Variants in TLL2 observed in about 807,000 individuals in gnomAD.
TLL2 encodes tolloid-like protein 2.
A neutral mutation model predicts 123.0 loss-of-function variants in TLL2; 106 were observed. That is an observed-to-expected ratio of 0.86 (90% CI 0.74 to 1.01). TLL2 has a LOEUF of 1.01. Among genes scored for constraint, TLL2 ranks in the 50% least tolerant of loss-of-function variants. The pLI is 0.00. For missense variants in TLL2, 1,332 were observed against 1,336.7 expected, an observed-to-expected ratio of 1.00 and a Z score of 0.06; for synonymous variants, 494 against 516.8, an observed-to-expected ratio of 0.96 and a Z score of 0.60.
intron 2 of TLL2, among the ~76,000 whole-genome samples, chr10:96,456,538 ACAGT>A (rs1287272445): frequency 6.6e-6 from 1 of 152,208 alleles, no homozygotes; most frequent in African/African-American, 2.4e-5. Context: ...AAGGGCACTG[ACAGT>A]CAGACCTCTC....
chr10:96,446,257 G>C, intron 2 of TLL2, 89 bp from the exon 3 acceptor site: 2 of 1,241,716 alleles, frequency 1.6e-6, no homozygotes, highest in Admixed American at 1.8e-5. Context: ...CTGGTCACCT[G>C]GGGAGGATCA....
intron 2 of TLL2, among the ~76,000 whole-genome samples, chr10:96,457,330 C>G (rs538860943): frequency 6.6e-6 from 1 of 152,174 alleles, no homozygotes; most frequent in African/African-American, 2.4e-5. Context: ...TAGGACTGCC[C>G]GGAACTCACC....
Position 96,513,907 on chromosome 10 carries a change from G to A in TLL2, c.-222C>T. 2.0e-6 allele frequency: 1 copy of A among 508,190 alleles called. No homozygotes were observed. The highest frequency in any genetic ancestry group is 3.3e-5 in the South Asian group (1 of 30,512). The allele number at this position is 508,190 out of a possible 1,614,324, so 31.5% of individuals were successfully genotyped here. On this transcript the variant is annotated 5_prime_UTR_variant, in exon 1 of 21. Transcript: ENST00000357947. The stretch of plus-strand genomic sequence containing the variant: ...CGGAGCTACTTGCCCGGCGGCCGAG[G>A]CTGCGGCGGCTGCGAGTGTGGCGGT...
chr10:96,474,114 G>A (rs369917853), intron 2 of TLL2, among the ~76,000 whole-genome samples: 92 of 152,128 alleles, frequency 6.0e-4, no homozygotes, highest in African/African-American at 2.1e-3. Flanking sequence ...ATAGAACAGC[G>A]TGGCCAATGC....
intron 2 of TLL2, among the ~76,000 whole-genome samples, chr10:96,456,163 T>C (rs1847013629): frequency 6.6e-6 from 1 of 152,208 alleles, no homozygotes; most frequent in Admixed American, 6.5e-5. Flanking sequence ...ACTCTACCGA[T>C]AGCCTTTATA....
At chr10:96,404,693 C>T (rs751915635) in intron 10 of TLL2, among the ~76,000 whole-genome samples, 1 of 151,950 alleles carries the variant, frequency 6.6e-6, no homozygotes, top group Non-Finnish European at 1.5e-5. Flanking sequence ...ATCCTTGAAG[C>T]CATCTACATT....
intron 1 of TLL2, among the ~76,000 whole-genome samples, chr10:96,482,647 G>T (rs1338496678): frequency 2.6e-5 from 4 of 152,212 alleles, no homozygotes; most frequent in Non-Finnish European, 5.9e-5. Context: ...AGAAATATTT[G>T]TAATTGTTTA....
At chr10:96,433,004 C>T in intron 3 of TLL2, 42 bp from the exon 4 acceptor site, 1 of 1,593,208 alleles carries the variant, frequency 6.3e-7, no homozygotes, top group East Asian at 2.2e-5. Flanking sequence ...CCCTTTGGTT[C>T]CTCCTGTGAA....
chr10:96,424,198 A>T (rs1419620981), intron 5 of TLL2, among the ~76,000 whole-genome samples: 1 of 152,052 alleles, frequency 6.6e-6, no homozygotes, highest in African/African-American at 2.4e-5. Context: ...GAGATGGTTA[A>T]TGGGTAAAGA....
chr10:96,492,945 C>T (rs1041052622), intron 1 of TLL2, among the ~76,000 whole-genome samples: 1 of 152,210 alleles, frequency 6.6e-6, no homozygotes, highest in African/African-American at 2.4e-5. Context: ...GGGTCCAACA[C>T]TCTATCCAGA....
intron 10 of TLL2, among the ~76,000 whole-genome samples, chr10:96,403,902 A>T (rs552388688): frequency 6.6e-6 from 1 of 152,100 alleles, no homozygotes; most frequent in Non-Finnish European, 1.5e-5. Context: ...TCTTTACTCC[A>T]CTGAGATATT....
At chr10:96,441,471 C>A (rs1395786583) in intron 3 of TLL2, among the ~76,000 whole-genome samples, 2 of 152,162 alleles carry the variant, frequency 1.3e-5, no homozygotes, top group Non-Finnish European at 1.5e-5. Context: ...AATCAATTGG[C>A]CTTAGAGTGG....
intron 5 of TLL2, among the ~76,000 whole-genome samples, chr10:96,427,898 G>A (rs1196908400): frequency 1.3e-5 from 2 of 152,244 alleles, no homozygotes; most frequent in South Asian, 2.1e-4. Flanking sequence ...AGCTCCAAGC[G>A]ATTCTCCTGT....
At chr10:96,387,446 C>T (rs1003605505) in intron 13 of TLL2, among the ~76,000 whole-genome samples, 9 of 152,142 alleles carry the variant, frequency 5.9e-5, no homozygotes, top group African/African-American at 2.2e-4. Context: ...TGAGGACTTC[C>T]CCTGCCCCCA....
intron 3 of TLL2, among the ~76,000 whole-genome samples, chr10:96,440,814 A>G (rs1285402777): frequency 2.0e-5 from 3 of 152,240 alleles, no homozygotes; most frequent in Admixed American, 2.0e-4. Flanking sequence ...TAAGGACTCA[A>G]CACAGGAAGC....
At chr10:96,447,444 A>C in intron 2 of TLL2, among the ~76,000 whole-genome samples, 1 of 152,228 alleles carries the variant, frequency 6.6e-6, no homozygotes, top group East Asian at 1.9e-4. Context: ...TCCGAGTGAG[A>C]CAGGGTGGTG....
intron 15 of TLL2, among the ~76,000 whole-genome samples, chr10:96,385,014 T>C (rs1846220540): frequency 6.6e-6 from 1 of 152,210 alleles, no homozygotes; most frequent in African/African-American, 2.4e-5. Context: ...CAAACCTGCA[T>C]CCCCGTAATT....
At chr10:96,488,424 A>G (rs1378547433) in intron 1 of TLL2, among the ~76,000 whole-genome samples, 1 of 152,190 alleles carries the variant, frequency 6.6e-6, no homozygotes, top group African/African-American at 2.4e-5. Context: ...CAAGGCCCAG[A>G]GAGCCCCTTC....
intron 13 of TLL2, among the ~76,000 whole-genome samples, chr10:96,387,690 CTGA>C (rs1466688758): frequency 6.6e-6 from 1 of 152,026 alleles, no homozygotes; most frequent in Non-Finnish European, 1.5e-5. Flanking sequence ...CATAATGAGG[CTGA>C]GTTAGCAGGG....
Sources: allele counts gnomAD v4.1 joint callset (sites outside exome capture counted in the v4.1 genomes callset), GRCh38; gene constraint gnomAD v4.1.1; transcripts MANE v1.5; gene names NCBI Gene and HGNC (gene_info 2026-07-23, HGNC 2026-07-21).